Variants in EYA1 observed in about 807,000 individuals in gnomAD.
EYA1 encodes protein phosphatase EYA1.
In EYA1, 16 loss-of-function variants were observed where a neutral mutation model predicts 82.0. That is an observed-to-expected ratio of 0.20 (90% CI 0.13 to 0.30). The LOEUF is 0.30. EYA1 is among the 10% of genes least tolerant of loss of function. EYA1 has a pLI of 1.00. For synonymous variants in EYA1, 261 were observed against 264.4 expected, an observed-to-expected ratio of 0.99 and a Z score of 0.12; for missense variants, 633 against 730.7, an observed-to-expected ratio of 0.87 and a Z score of 1.54.
chr8:71,350,667 T>C (rs1826214762), intron 3 of EYA1, among the ~76,000 whole-genome samples: 1 of 152,028 alleles, frequency 6.6e-6, no homozygotes, highest in Admixed American at 6.6e-5. Flanking sequence ...CTTCTTGAGT[T>C]TGAGTCTAAG....
chr8:71,454,740 T>C (rs549423404), intron 2 of EYA1, among the ~76,000 whole-genome samples: 2 of 152,262 alleles, frequency 1.3e-5, no homozygotes, highest in East Asian at 1.9e-4. Flanking sequence ...AGACACAACA[T>C]ACCAGAATCT....
intron 1 of EYA1, among the ~76,000 whole-genome samples, chr8:71,542,444 T>C (rs1815213194): frequency 6.6e-6 from 1 of 152,250 alleles, no homozygotes; most frequent in Admixed American, 6.5e-5. Context: ...GTATCACATT[T>C]TCTTTATCCA....
chr8:71,359,286 CAATTT>C (rs1827169878), intron 1 of EYA1, among the ~76,000 whole-genome samples: 2 of 152,006 alleles, frequency 1.3e-5, no homozygotes, highest in Non-Finnish European at 2.9e-5. Flanking sequence ...TGTTGATATT[CAATTT>C]GTCTCTCTCA....
At chr8:71,520,955 C>T (rs1412048546) in intron 2 of EYA1, among the ~76,000 whole-genome samples, 1 of 151,796 alleles carries the variant, frequency 6.6e-6, no homozygotes, top group Admixed American at 6.6e-5. Flanking sequence ...CCCAAAGTAC[C>T]ATGAATCTCA....
At chr8:71,401,454 A>T (rs1399692129) in intron 2 of EYA1, among the ~76,000 whole-genome samples, 1 of 152,234 alleles carries the variant, frequency 6.6e-6, no homozygotes, top group African/African-American at 2.4e-5. Context: ...ACTGCAAGTA[A>T]ATAATTAATT....
At chr8:71,299,532 A>G (rs1819965155) in intron 8 of EYA1, 106 bp downstream of exon 8, 1 of 792,744 alleles carries the variant, frequency 1.3e-6, no homozygotes, top group South Asian at 1.5e-5. Context: ...AAAACTACTA[A>G]AAGCCTTAGG....
Position 71,302,154 on chromosome 8 carries a change from G to A in EYA1, c.557-2434C>T, listed in dbSNP as rs114942508. Among the ~76,000 whole-genome samples, 921 of 152,062 alleles carry A rather than the reference G, an allele frequency of 6.1e-3. 11 individuals carry two copies. Among genetic ancestry groups the A allele is most frequent in the African/African-American group, 0.021 (873 of 41,470 alleles). The stretch of plus-strand genomic sequence containing the variant: ...GAAAAATTACCTTGGGTTATGATCC[G>A]TTACTTTCATTTAAACTATACATTT... On this transcript the variant is annotated intron_variant, in intron 7 of 17. Transcript: ENST00000340726.
intron 4 of EYA1, among the ~76,000 whole-genome samples, chr8:71,328,794 C>T (rs1252924904): frequency 7.2e-5 from 11 of 152,144 alleles, no homozygotes; most frequent in Admixed American, 7.2e-4. Flanking sequence ...CTGGGTTATA[C>T]ATCCACTGCT....
intron 17 of EYA1, among the ~76,000 whole-genome samples, chr8:71,200,326 A>G (rs1806817427): frequency 6.6e-6 from 1 of 152,198 alleles, no homozygotes; most frequent in Non-Finnish European, 1.5e-5. Flanking sequence ...CTAATAGGAG[A>G]ATCTGGCATA....
chr8:71,421,791 A>G (rs1330197230), intron 2 of EYA1, among the ~76,000 whole-genome samples: 2 of 152,188 alleles, frequency 1.3e-5, no homozygotes, highest in African/African-American at 4.8e-5. Flanking sequence ...TCAAAAAGGT[A>G]CCTGAAACTG....
At chr8:71,246,151 G>T (rs1217519366) in intron 11 of EYA1, among the ~76,000 whole-genome samples, 1 of 152,176 alleles carries the variant, frequency 6.6e-6, no homozygotes, top group Admixed American at 6.5e-5. Context: ...TTTTTTAAGG[G>T]TTTATTGGCA....
chr8:71,387,544 C>A (rs914756489), intron 2 of EYA1, among the ~76,000 whole-genome samples: 2 of 152,012 alleles, frequency 1.3e-5, no homozygotes, highest in African/African-American at 4.8e-5. Context: ...ATCTGAAAAA[C>A]ATTTACAGTT....
At chr8:71,238,324 T>C (rs1170625005) in intron 12 of EYA1, among the ~76,000 whole-genome samples, 3 of 152,192 alleles carry the variant, frequency 2.0e-5, no homozygotes, top group Admixed American at 2.0e-4. Flanking sequence ...ATTGTAGAAT[T>C]ATAAAACATT....
upstream of EYA1, among the ~76,000 whole-genome samples, chr8:71,363,709 T>A (rs983873809): frequency 6.6e-6 from 1 of 152,178 alleles, no homozygotes; most frequent in African/African-American, 2.4e-5. Context: ...TAAAATGTAA[T>A]GTTGTGGTAA....
intron 11 of EYA1, among the ~76,000 whole-genome samples, chr8:71,247,902 C>G (rs1203735885): frequency 6.6e-6 from 1 of 152,126 alleles, no homozygotes; most frequent in Non-Finnish European, 1.5e-5. Flanking sequence ...AGGATGGAGC[C>G]TCACCACATT....
intron 9 of EYA1, among the ~76,000 whole-genome samples, chr8:71,284,650 T>G (rs1193943339): frequency 1.3e-5 from 2 of 152,224 alleles, no homozygotes; most frequent in East Asian, 3.8e-4. Flanking sequence ...TTACCTTATT[T>G]GTAAAGATGA....
At chr8:71,300,914 T>C (rs1820132354) in intron 7 of EYA1, among the ~76,000 whole-genome samples, 1 of 152,118 alleles carries the variant, frequency 6.6e-6, no homozygotes, top group African/African-American at 2.4e-5. Context: ...AGCACAAAAT[T>C]CTAAGAAATG....
chr8:71,470,385 C>T (rs1809097646), intron 2 of EYA1, among the ~76,000 whole-genome samples: 2 of 152,130 alleles, frequency 1.3e-5, no homozygotes, highest in Admixed American at 6.6e-5. Context: ...TGAGGTTTCT[C>T]TGATCTAACC....
chr8:71,236,272 G>A (rs568511643), intron 12 of EYA1, among the ~76,000 whole-genome samples: 1 of 152,256 alleles, frequency 6.6e-6, no homozygotes, highest in South Asian at 2.1e-4. Flanking sequence ...CCGATCCCAA[G>A]TGATCTGCCT....
Sources: gnomAD v4.1 joint callset for allele counts (sites outside exome capture counted in the v4.1 genomes callset) on GRCh38, gnomAD v4.1.1 for gene constraint, MANE v1.5 for transcripts, NCBI Gene and HGNC (gene_info 2026-07-23, HGNC 2026-07-21) for gene names.